Variants in VPS13B observed in about 807,000 individuals in gnomAD.
The protein encoded by VPS13B is vacuolar protein sorting 13 homolog B, also known as intermembrane lipid transfer protein VPS13B.
In VPS13B, 285 loss-of-function variants were observed where a neutral mutation model predicts 426.4. That is an observed-to-expected ratio of 0.67 (90% confidence interval 0.61 to 0.74). The LOEUF (loss-of-function observed/expected upper bound fraction) is 0.74, where lower values mean the gene tolerates loss of function less well. Ranked by LOEUF, VPS13B falls within the 30% of genes least tolerant of loss-of-function variation. The pLI is 0.00. For synonymous variants in VPS13B, 1,676 were observed against 1,676.4 expected, an observed-to-expected ratio of 1.00 and a Z score of 0.01; for missense variants, 4,537 against 4,782.6, an observed-to-expected ratio of 0.95 and a Z score of 1.51.
Position 99,819,949 on chromosome 8 carries a change from C to A in VPS13B, c.8821C>A (p.Pro2941Thr). ...RNEQLSQWDSPMRVKLSIWKP... is the reference protein window; with the variant it reads ...RNEQLSQWDSTMRVKLSIWKP... ...TGAACAGCTAAGTCAGTGGGATAGC[C>A]CAATGCGAGTGAAGCTGTCAATCTG... The change falls in exon 49 of 62, where the codon CCA becomes ACA. Residue 2941 changes from proline to threonine, a missense_variant. Physicochemically the swap from Pro to Thr is conservative, Grantham distance 38. This residue lies in a region of VPS13B where 4,311 missense variants were observed against 4,474.3 expected (regional missense o/e 0.96). Transcript: ENST00000357162. The A allele has an allele frequency of 6.2e-7, 1 of 1,613,900 alleles. No individual in the cohort carries two copies. Among genetic ancestry groups the A allele is most frequent in the Non-Finnish European group, 8.5e-7 (1 of 1,179,900 alleles).
intron 17 of VPS13B, among the ~76,000 whole-genome samples, chr8:99,215,657 C>CAA (rs747982142): frequency 5.9e-5 from 9 of 152,006 alleles, no homozygotes; most frequent in Non-Finnish European, 1.0e-4. Context: ...TTTCCACCAA[C>CAA]AAAAAAATAC....
intron 21 of VPS13B, among the ~76,000 whole-genome samples, chr8:99,401,850 G>GC (rs2133336936): frequency 6.6e-6 from 1 of 152,298 alleles, no homozygotes; most frequent in East Asian, 1.9e-4. Flanking sequence ...GGGCTACAGA[G>GC]CGAGACTCCA....
intron 10 of VPS13B, 21 bp downstream of exon 10, chr8:99,135,158 CT>C: frequency 6.2e-7 from 1 of 1,612,442 alleles, no homozygotes; most frequent in Non-Finnish European, 8.5e-7. Context: ...TTCCTCCATC[CT>C]TTTTTGGATA....
At chr8:99,232,961 C>T (rs1452843597) in intron 17 of VPS13B, 22 of 660,652 alleles carry the variant, frequency 3.3e-5, no homozygotes, top group East Asian at 5.3e-5. Context: ...GGTTTGCTTC[C>T]GATCTGGCTG....
At chr8:99,103,142 C>A in intron 5 of VPS13B, 22 bp downstream of exon 5, 3 of 1,611,876 alleles carry the variant, frequency 1.9e-6, no homozygotes, top group Non-Finnish European at 2.5e-6. Context: ...TGGAGAATAC[C>A]GTATATTTTT....
chr8:99,260,877 CAT>C (rs531069803), intron 17 of VPS13B, among the ~76,000 whole-genome samples: 308 of 152,076 alleles, frequency 2.0e-3, no homozygotes, highest in Non-Finnish European at 2.9e-3. Context: ...GGAATTATGA[CAT>C]AGTAGATCAA....
intron 30 of VPS13B, among the ~76,000 whole-genome samples, chr8:99,556,152 A>G (rs1307276681): frequency 1.3e-5 from 2 of 152,192 alleles, no homozygotes; most frequent in Non-Finnish European, 2.9e-5. Context: ...ACCTCAGAGC[A>G]TCTCAGGGAT....
At chr8:99,078,231 A>T (rs1845243958) in intron 3 of VPS13B, among the ~76,000 whole-genome samples, 1 of 145,614 alleles carries the variant, frequency 6.9e-6, no homozygotes, top group African/African-American at 2.6e-5. Flanking sequence ...TTGCTTTTTT[A>T]TGTTTCTTGT....
intron 52 of VPS13B, among the ~76,000 whole-genome samples, chr8:99,833,506 T>C (rs1455902588): frequency 6.6e-6 from 1 of 152,212 alleles, no homozygotes; most frequent in Non-Finnish European, 1.5e-5. Context: ...AAATAAGTTA[T>C]TCATAATGGT....
chr8:99,372,457 C>T (rs924601796), intron 19 of VPS13B, among the ~76,000 whole-genome samples: 1 of 152,064 alleles, frequency 6.6e-6, no homozygotes, highest in African/African-American at 2.4e-5. Flanking sequence ...AACTTAAACA[C>T]ATTTACAAGA....
intron 5 of VPS13B, among the ~76,000 whole-genome samples, chr8:99,103,853 C>T (rs1846899937): frequency 6.6e-6 from 1 of 152,074 alleles, no homozygotes; most frequent in Non-Finnish European, 1.5e-5. Context: ...CCAGGTTGGT[C>T]TTGAACTCCT....
Position 99,467,477 on chromosome 8 carries a change from AAGTGACACTTTGCCT to A in VPS13B, c.3514_3528del (p.Thr1172_Val1176del). Reference sequence around the variant, plus strand: ...AGCATATATACCCTTCTTGGAAAACAAGTGACACTTTGCCTAGTGGAACCTATGGGTTGCACCTCC... The same window carrying A: ...AGCATATATACCCTTCTTGGAAAACAAGTGGAACCTATGGGTTGCACCTCC... On this transcript the variant is annotated inframe_deletion, in exon 24 of 62. Coordinates refer to ENST00000357162, the MANE Select transcript of VPS13B (RefSeq NM_152564.5). 6.2e-7 allele frequency: 1 copy of A among 1,613,824 alleles called. No homozygotes were observed. Among genetic ancestry groups the A allele is most frequent in the East Asian group, 2.2e-5 (1 of 44,872 alleles).
At chr8:99,283,515 C>T (rs951920034) in intron 19 of VPS13B, among the ~76,000 whole-genome samples, 3 of 152,058 alleles carry the variant, frequency 2.0e-5, no homozygotes, top group South Asian at 2.1e-4. Context: ...CTGAACAGAG[C>T]GTCTATTTTT....
At chr8:99,037,743 T>C (rs886145743) in intron 2 of VPS13B, among the ~76,000 whole-genome samples, 1 of 152,112 alleles carries the variant, frequency 6.6e-6, no homozygotes, top group African/African-American at 2.4e-5. Flanking sequence ...ATGCCTAACC[T>C]TTTATCTAAT....
At chr8:99,680,840 CATT>C in intron 35 of VPS13B, among the ~76,000 whole-genome samples, 1 of 152,224 alleles carries the variant, frequency 6.6e-6, no homozygotes, top group Admixed American at 6.5e-5. Context: ...TCCTGTAAAA[CATT>C]ATTCTTTATA....
chr8:99,402,491 G>A (rs1365487201), intron 21 of VPS13B, among the ~76,000 whole-genome samples: 1 of 152,050 alleles, frequency 6.6e-6, no homozygotes, highest in Non-Finnish European at 1.5e-5. Flanking sequence ...ATGTTGTGTT[G>A]TACAATTATT....
In VPS13B at chr8:99,861,806, CA is replaced by C. The variant is rs763688453; in HGVS notation, c.11077del (p.Ser3693AlafsTer52). On this transcript the variant is annotated frameshift_variant, in exon 58 of 62. Coordinates refer to ENST00000357162, the MANE Select transcript of VPS13B (RefSeq NM_152564.5). LOFTEE classifies it high-confidence loss of function. ...GTLTSITNLA[T>X]SLARNMDRLS... Reference sequence around the variant, plus strand: ...CTCACATCCATCACCAACCTCGCCACAAGCCTGGCCCGGAACATGGACCGGC... The same window carrying C: ...CTCACATCCATCACCAACCTCGCCACAGCCTGGCCCGGAACATGGACCGGC... 6.3e-7 allele frequency: 1 copy of C among 1,598,580 alleles called. No homozygotes were observed.
At chr8:99,047,546 G>C (rs1427257919) in intron 3 of VPS13B, among the ~76,000 whole-genome samples, 1 of 151,916 alleles carries the variant, frequency 6.6e-6, no homozygotes, top group East Asian at 1.9e-4. Flanking sequence ...ACTGATCTTG[G>C]TTATTTCCTT....
chr8:99,195,124 C>T (rs149622946), intron 17 of VPS13B, among the ~76,000 whole-genome samples: 203 of 152,260 alleles, frequency 1.3e-3, no homozygotes, highest in African/African-American at 4.7e-3. Flanking sequence ...GGATTATAGG[C>T]GTGAAGGTTG....
Sources: gnomAD v4.1 joint callset for allele counts (sites outside exome capture counted in the v4.1 genomes callset) on GRCh38, gnomAD v4.1.1 for gene constraint, gnomAD v4.1.1 regional missense constraint, MANE v1.5 for transcripts, NCBI Gene and HGNC (gene_info 2026-07-23, HGNC 2026-07-21) for gene names.